Variants in COL22A1 observed in about 807,000 individuals in gnomAD.
COL22A1 encodes the protein collagen alpha-1(XXII) chain.
A neutral mutation model predicts 248.9 loss-of-function variants in COL22A1; 221 were observed. The observed-to-expected ratio is 0.89, with a 90% confidence interval of 0.80 to 0.99. COL22A1 has a LOEUF of 0.99. COL22A1 is among the 50% of genes least tolerant of loss of function. The pLI, the probability that COL22A1 is intolerant of heterozygous loss-of-function variation, is 0.00. For missense variants in COL22A1, 2,240 were observed against 2,179.0 expected, an observed-to-expected ratio of 1.03 and a Z score of -0.56; for synonymous variants, 891 against 793.4, an observed-to-expected ratio of 1.12 and a Z score of -2.07.
chr8:138,877,026 C>T (rs1033383266), intron 3 of COL22A1, among the ~76,000 whole-genome samples: 2 of 152,226 alleles, frequency 1.3e-5, no homozygotes, highest in African/African-American at 2.4e-5. Context: ...CTGGGGAGGG[C>T]GCTGTCCTCA....
intron 63 of COL22A1, among the ~76,000 whole-genome samples, chr8:138,593,432 AT>A: frequency 6.6e-6 from 1 of 151,892 alleles, no homozygotes; most frequent in Middle Eastern, 3.4e-3. Flanking sequence ...TTTTAAATTT[AT>A]TTTTTAATCC....
chr8:138,884,380 A>G (rs1824479499), intron 1 of COL22A1, among the ~76,000 whole-genome samples: 1 of 152,228 alleles, frequency 6.6e-6, no homozygotes, highest in Admixed American at 6.5e-5. Flanking sequence ...GTAAGTACCT[A>G]TGAAGGAAAG....
chr8:138,752,290 T>C (rs4736187), intron 21 of COL22A1, among the ~76,000 whole-genome samples: 123,538 of 152,236 alleles, frequency 0.81, 50,337 homozygotes, highest in East Asian at 0.97. Context: ...CACTTCTGGG[T>C]GAATTTGGCC....
At chr8:138,698,180 C>CA (rs2130956421) in intron 32 of COL22A1, among the ~76,000 whole-genome samples, 1 of 152,242 alleles carries the variant, frequency 6.6e-6, no homozygotes, top group East Asian at 1.9e-4. Context: ...CAGGGGGAGG[C>CA]AATACATGGA....
intron 39 of COL22A1, 98 bp from the exon 40 acceptor site, chr8:138,679,774 T>G: frequency 9.3e-7 from 1 of 1,074,188 alleles, no homozygotes; most frequent in Non-Finnish European, 1.4e-6. Context: ...GATCTATGCA[T>G]CTCTGTATCC....
chr8:138,874,318 C>T lies in COL22A1; in HGVS notation c.658+3432G>A, dbSNP rs116866788. Among the ~76,000 whole-genome samples the T allele has an allele frequency of 7.1e-3, 1,086 of 152,252 alleles. 6 individuals are homozygous for T. The highest frequency in any genetic ancestry group is 0.011 in the Non-Finnish European group (723 of 68,014). On this transcript the variant is annotated intron_variant, in intron 3 of 64. Transcript: ENST00000303045. The stretch of plus-strand genomic sequence containing the variant: ...TGAGCTTTTCTTGACGTGATCAGGG[C>T]GGACGTGTGTTCTGGGCTGGCCTGT...
intron 35 of COL22A1, among the ~76,000 whole-genome samples, chr8:138,692,155 TGTATGTGTGGAG>T (rs1453739586): frequency 3.3e-5 from 5 of 151,768 alleles, no homozygotes; most frequent in African/African-American, 1.2e-4. Context: ...TGGTGGTATG[TGTATGTGTGGAG>T]GTGTGTGTGT....
intron 41 of COL22A1, among the ~76,000 whole-genome samples, chr8:138,672,544 T>C (rs1825125518): frequency 6.6e-6 from 1 of 152,222 alleles, no homozygotes; most frequent in Admixed American, 6.5e-5. Context: ...AGCCTGGGAA[T>C]TCTGTCCCTT....
chr8:138,769,188 CT>C (rs1834155056), intron 16 of COL22A1, among the ~76,000 whole-genome samples: 1 of 152,144 alleles, frequency 6.6e-6, no homozygotes, highest in Admixed American at 6.5e-5. Context: ...CTTCTACCCC[CT>C]GCAGGGCCTG....
chr8:138,786,814 G>T (rs778260324), intron 12 of COL22A1, among the ~76,000 whole-genome samples: 1 of 152,306 alleles, frequency 6.6e-6, no homozygotes, highest in South Asian at 2.1e-4. Context: ...TGAGGCAGGA[G>T]AATTGCTTGA....
chr8:138,838,355 G>A (rs1820594354), intron 4 of COL22A1, among the ~76,000 whole-genome samples: 1 of 152,074 alleles, frequency 6.6e-6, no homozygotes, highest in South Asian at 2.1e-4. Flanking sequence ...GGGGAGTGAG[G>A]AGAGCCTAAG....
intron 22 of COL22A1, among the ~76,000 whole-genome samples, chr8:138,744,527 A>C (rs1831950875): frequency 6.6e-6 from 1 of 152,060 alleles, no homozygotes; most frequent in South Asian, 2.1e-4. Context: ...TATTGAAGCA[A>C]AGAGGGTGGA....
At chr8:138,774,564 G>A (rs985466229) in intron 16 of COL22A1, among the ~76,000 whole-genome samples, 14 of 151,966 alleles carry the variant, frequency 9.2e-5, no homozygotes, top group East Asian at 1.9e-4. Context: ...GACTACAGGC[G>A]CCCGCCACCA....
intron 22 of COL22A1, among the ~76,000 whole-genome samples, chr8:138,749,726 T>G (rs569514859): frequency 2.0e-4 from 31 of 152,216 alleles, no homozygotes; most frequent in Non-Finnish European, 3.5e-4. Context: ...GAGACGTGGA[T>G]CAGCACTTCA....
At chr8:138,635,597 T>C (rs1821088750) in intron 48 of COL22A1, among the ~76,000 whole-genome samples, 1 of 152,188 alleles carries the variant, frequency 6.6e-6, no homozygotes, top group Non-Finnish European at 1.5e-5. Context: ...CTATTGCATA[T>C]TATAGAATGA....
chr8:138,811,567 T>C (rs1370810778), intron 9 of COL22A1, among the ~76,000 whole-genome samples: 2 of 152,052 alleles, frequency 1.3e-5, no homozygotes, highest in Non-Finnish European at 2.9e-5. Context: ...CTGGGAAGCC[T>C]GGGGAACGCA....
At chr8:138,636,532 A>AAGGCAAGGC in intron 48 of COL22A1, among the ~76,000 whole-genome samples, 1 of 82,404 alleles carries the variant, frequency 1.2e-5, no homozygotes, top group South Asian at 4.8e-4. Context: ...AAAGGAAAGG[A>AAGGCAAGGC]AAGGCAGGGA....
intron 26 of COL22A1, 80 bp downstream of exon 26, chr8:138,721,956 G>C (rs1339865276): frequency 8.8e-7 from 1 of 1,132,936 alleles, no homozygotes; most frequent in Non-Finnish European, 1.3e-6. Context: ...ACTTGTTGTA[G>C]AATTCACCAA....
chr8:138,694,795 C>A, intron 33 of COL22A1, 31 bp downstream of exon 33: 1 of 1,611,638 alleles, frequency 6.2e-7, no homozygotes, highest in Non-Finnish European at 8.5e-7. Context: ...GGTAACCAGC[C>A]CTGCGGGGGA....
Sources: allele counts gnomAD v4.1 joint callset (sites outside exome capture counted in the v4.1 genomes callset), GRCh38; gene constraint gnomAD v4.1.1; transcripts MANE v1.5; gene names NCBI Gene and HGNC (gene_info 2026-07-23, HGNC 2026-07-21).